RGS7: variants seen among roughly 807,000 people sequenced by gnomAD.
RGS7 encodes the protein regulator of G protein signaling 7.
A neutral mutation model predicts 81.1 loss-of-function variants in RGS7; 27 were observed. That is an observed-to-expected ratio of 0.33 (90% CI 0.25 to 0.46). The LOEUF (loss-of-function observed/expected upper bound fraction) is 0.46. Among genes scored for constraint, RGS7 ranks in the 20% least tolerant of loss-of-function variants. RGS7 has a pLI of 1.00. For missense variants in RGS7, 396 were observed against 607.4 expected, an observed-to-expected ratio of 0.65 and a Z score of 3.66; for synonymous variants, 208 against 207.7, an observed-to-expected ratio of 1.00 and a Z score of -0.01.
chr1:241,267,335 C>T (rs779629132), intron 2 of RGS7, among the ~76,000 whole-genome samples: 1 of 152,164 alleles, frequency 6.6e-6, no homozygotes, highest in Non-Finnish European at 1.5e-5. Context: ...TTCAGGACTC[C>T]GAAGGGACTA....
chr1:240,923,090 A>T (rs1673848477), intron 6 of RGS7, among the ~76,000 whole-genome samples: 1 of 152,096 alleles, frequency 6.6e-6, no homozygotes, highest in Admixed American at 6.6e-5. Context: ...GTGAAAGAAG[A>T]AAAGGCTCTA....
At chr1:241,013,911 AT>A (rs2059098308) in intron 3 of RGS7, among the ~76,000 whole-genome samples, 1 of 152,238 alleles carries the variant, frequency 6.6e-6, no homozygotes, top group Admixed American at 6.5e-5. Flanking sequence ...GAGTCAGCAT[AT>A]TAATGGGGCC....
intron 2 of RGS7, among the ~76,000 whole-genome samples, chr1:241,139,462 G>A (rs965126397): frequency 6.6e-6 from 1 of 152,196 alleles, no homozygotes; most frequent in Non-Finnish European, 1.5e-5. Flanking sequence ...CAACATTAAT[G>A]TGCTATTCTT....
intron 2 of RGS7, among the ~76,000 whole-genome samples, chr1:241,125,819 C>T (rs12080308): frequency 0.016 from 2,369 of 152,256 alleles, 56 homozygotes; most frequent in African/African-American, 0.055. Context: ...ACATTAAATC[C>T]TTTTTTCTAC....
At chr1:241,259,650 C>CAA (rs71571832) in intron 2 of RGS7, among the ~76,000 whole-genome samples, 497 of 39,874 alleles carry the variant, frequency 0.012, 40 homozygotes, top group Middle Eastern at 0.04. Context: ...AACTCCGTCT[C>CAA]AAAAAAAAAA....
intron 2 of RGS7, among the ~76,000 whole-genome samples, chr1:241,347,634 AC>A: frequency 6.6e-6 from 1 of 152,192 alleles, no homozygotes; most frequent in Non-Finnish European, 1.5e-5. Flanking sequence ...GAATTGAAAT[AC>A]TTTCAACATC....
chr1:241,068,782 T>G (rs2062248186), intron 3 of RGS7, among the ~76,000 whole-genome samples: 1 of 152,214 alleles, frequency 6.6e-6, no homozygotes, highest in South Asian at 2.1e-4. Context: ...ATGTTGTCCC[T>G]GCCCAAATCT....
At chr1:240,994,210 C>CA (rs935858363) in intron 3 of RGS7, among the ~76,000 whole-genome samples, 67 of 152,224 alleles carry the variant, frequency 4.4e-4, no homozygotes, top group African/African-American at 1.5e-3. Flanking sequence ...TCTATATCTA[C>CA]AAAAAAATCT....
chr1:240,840,835 T>C (rs971666063), intron 9 of RGS7, among the ~76,000 whole-genome samples: 2 of 152,176 alleles, frequency 1.3e-5, no homozygotes, highest in African/African-American at 4.8e-5. Context: ...TGGTACCTAG[T>C]AGGTGCTCAA....
chr1:240,863,758 G>C (rs2995378), intron 9 of RGS7, among the ~76,000 whole-genome samples: 11 of 151,742 alleles, frequency 7.2e-5, no homozygotes, highest in Non-Finnish European at 1.3e-4. Flanking sequence ...TGTGAAAACC[G>C]TTTTAAAATA....
intron 3 of RGS7, among the ~76,000 whole-genome samples, chr1:241,091,621 C>G (rs1017065624): frequency 6.6e-6 from 1 of 151,720 alleles, no homozygotes; most frequent in Non-Finnish European, 1.5e-5. Flanking sequence ...TGCAATGGCT[C>G]GCATCTGTAA....
chr1:241,229,260 C>T (rs2075506697), intron 2 of RGS7, among the ~76,000 whole-genome samples: 1 of 152,154 alleles, frequency 6.6e-6, no homozygotes, highest in African/African-American at 2.4e-5. Context: ...AAAAAGTCCC[C>T]TCATACTGCA....
At chr1:241,198,481 A>G (rs1434437463) in intron 2 of RGS7, among the ~76,000 whole-genome samples, 3 of 152,096 alleles carry the variant, frequency 2.0e-5, no homozygotes, top group Non-Finnish European at 4.4e-5. Flanking sequence ...AAAAAAATCC[A>G]TAATGAACAA....
At chr1:241,170,991 A>G (rs775258363) in intron 2 of RGS7, among the ~76,000 whole-genome samples, 2 of 152,174 alleles carry the variant, frequency 1.3e-5, no homozygotes, top group South Asian at 2.1e-4. Context: ...GAGTCATTTA[A>G]TATTTCAGTG....
intron 2 of RGS7, among the ~76,000 whole-genome samples, chr1:241,222,682 T>C (rs995377722): frequency 3.9e-5 from 6 of 152,140 alleles, no homozygotes; most frequent in Non-Finnish European, 7.4e-5. Flanking sequence ...ACATTTTAAA[T>C]GAGAGAAGCA....
chr1:241,046,054 G>A (rs552010828), intron 3 of RGS7, among the ~76,000 whole-genome samples: 2 of 152,214 alleles, frequency 1.3e-5, no homozygotes, highest in Admixed American at 6.5e-5. Flanking sequence ...TGAGATCCTT[G>A]TGGTTTATGA....
intron 3 of RGS7, among the ~76,000 whole-genome samples, chr1:240,984,659 C>A (rs114710475): frequency 2.6e-5 from 4 of 152,110 alleles, no homozygotes; most frequent in Non-Finnish European, 5.9e-5. Context: ...GTTATGCCTG[C>A]GTGAATTGAA....
rs531729791 is a variant in RGS7, at chr1:240,817,669, C to T, written c.685-1254G>A. On this transcript the variant is annotated intron_variant, in intron 10 of 18. Transcript: ENST00000440928. ...TCAGGCTGGAGTGCAGTGGCGTAAT[C>T]TTGGCTCACCGCAACCTCCGTCTCC... is the stretch of plus-strand genomic sequence containing the variant. Among the ~76,000 whole-genome samples the T allele has an allele frequency of 2.0e-5, 3 of 152,246 alleles. No individual in the cohort carries two copies. In the East Asian group the frequency reaches 5.8e-4, roughly 29 times the overall value.
chr1:241,147,780 T>TA (rs2068424502), intron 2 of RGS7, among the ~76,000 whole-genome samples: 1 of 44,604 alleles, frequency 2.2e-5, no homozygotes, highest in Admixed American at 3.7e-4. Flanking sequence ...AGATTAAGTT[T>TA]TATATATATA....
Sources: gnomAD v4.1 joint callset for allele counts (sites outside exome capture counted in the v4.1 genomes callset) on GRCh38, gnomAD v4.1.1 for gene constraint, MANE v1.5 for transcripts, NCBI Gene and HGNC (gene_info 2026-07-23, HGNC 2026-07-21) for gene names.